The following CRISPLD2 variants were observed in gnomAD, a reference collection of about 807,000 sequenced individuals.
CRISPLD2 encodes cysteine rich secretory protein LCCL domain containing 2, also known as cysteine-rich secretory protein LCCL domain-containing 2.
In CRISPLD2, 47 loss-of-function variants were observed where a neutral mutation model predicts 71.1. The ratio of observed to expected loss-of-function variants is 0.66; its 90% confidence interval spans 0.52 to 0.84. The LOEUF (loss-of-function observed/expected upper bound fraction) is 0.84, where lower values mean the gene tolerates loss of function less well. Ranked by LOEUF, CRISPLD2 falls within the 40% of genes least tolerant of loss-of-function variation. CRISPLD2 has a pLI of 0.00. For missense variants in CRISPLD2, 830 were observed against 651.1 expected, an observed-to-expected ratio of 1.27 and a Z score of -2.99; for synonymous variants, 317 against 250.1, an observed-to-expected ratio of 1.27 and a Z score of -2.52.
chr16:84,828,803 C>G (rs956498374), intron 1 of CRISPLD2, among the ~76,000 whole-genome samples: 1 of 151,476 alleles, frequency 6.6e-6, no homozygotes, highest in Non-Finnish European at 1.5e-5. Context: ...TTCTTTTTGT[C>G]CAGAATTTTG....
At chr16:84,823,796 G>C (rs1916284980) in intron 1 of CRISPLD2, among the ~76,000 whole-genome samples, 1 of 152,208 alleles carries the variant, frequency 6.6e-6, no homozygotes, top group Admixed American at 6.5e-5. Flanking sequence ...GATGAGGATT[G>C]TGCAATTTCC....
intron 10 of CRISPLD2, chr16:84,873,384 G>C: frequency 4.1e-6 from 1 of 246,404 alleles, no homozygotes; most frequent in South Asian, 6.6e-5. Flanking sequence ...GGAGGCTACG[G>C]CAGAAGAACC....
chr16:84,833,188 C>T (rs1380214388), intron 1 of CRISPLD2, among the ~76,000 whole-genome samples: 6 of 152,178 alleles, frequency 3.9e-5, no homozygotes, highest in Non-Finnish European at 5.9e-5. Flanking sequence ...CTCTGGGCAG[C>T]GCGGGAGAAG....
At chr16:84,836,417 C>A (rs984773268) in intron 1 of CRISPLD2, 2 of 152,204 alleles carry the variant, frequency 1.3e-5, no homozygotes, top group African/African-American at 2.4e-5. Flanking sequence ...CATTCTTGGT[C>A]TGCTTCCCAG....
chr16:84,893,489 C>T (rs1393736726), intron 14 of CRISPLD2, among the ~76,000 whole-genome samples: 2 of 152,218 alleles, frequency 1.3e-5, no homozygotes, highest in African/African-American at 2.4e-5. Flanking sequence ...AGGCATCATA[C>T]ACTTAGGGAG....
Position 84,909,161 on chromosome 16 carries a change from T to C in CRISPLD2, c.*2519T>C, listed in dbSNP as rs2071830877. 1 of 152,660 alleles carries C rather than the reference T, an allele frequency of 6.6e-6. No individual in the cohort carries two copies. The highest frequency in any genetic ancestry group is 2.4e-5 in the African/African-American group (1 of 41,458). 9.5% of individuals were successfully genotyped at this position (152,660 alleles called of 1,614,324 possible). On this transcript the variant is annotated 3_prime_UTR_variant, in exon 15 of 15. Coordinates refer to ENST00000262424, the MANE Select transcript of CRISPLD2 (RefSeq NM_031476.4). ...CACTTACCCTGTGTTTAAAAAGATC[T>C]TGTACCAAGCCAACGGCGTTCCTGG...
At chr16:84,850,987 A>G (rs1394842473) in intron 5 of CRISPLD2, among the ~76,000 whole-genome samples, 6 of 152,140 alleles carry the variant, frequency 3.9e-5, no homozygotes, top group African/African-American at 1.4e-4. Context: ...GGTCTTTTGC[A>G]CACTGGCATA....
chr16:84,828,762 G>A (rs2131756), intron 1 of CRISPLD2, among the ~76,000 whole-genome samples: 105,964 of 151,916 alleles, frequency 0.7, 37,416 homozygotes, highest in Non-Finnish European at 0.74. Context: ...TTCACATAGT[G>A]CATTAAATAA....
intron 4 of CRISPLD2, among the ~76,000 whole-genome samples, chr16:84,850,178 C>T (rs1046741250): frequency 8.6e-5 from 13 of 151,746 alleles, no homozygotes; most frequent in African/African-American, 2.9e-4. Flanking sequence ...GCAACCTCTG[C>T]CTCCTGGGTT....
chr16:84,853,828 A>G (rs1917157124), intron 5 of CRISPLD2, among the ~76,000 whole-genome samples: 1 of 152,126 alleles, frequency 6.6e-6, no homozygotes, highest in Non-Finnish European at 1.5e-5. Context: ...CCGTGATCCC[A>G]TTTTACAGAA....
intron 1 of CRISPLD2, among the ~76,000 whole-genome samples, chr16:84,835,393 CT>C (rs1212353089): frequency 5.9e-5 from 9 of 152,146 alleles, no homozygotes; most frequent in Non-Finnish European, 1.3e-4. Flanking sequence ...CCTATGGTTA[CT>C]TTTCTGCTCA....
intron 13 of CRISPLD2, among the ~76,000 whole-genome samples, chr16:84,887,610 C>A (rs1597480311): frequency 6.6e-6 from 1 of 152,376 alleles, no homozygotes; most frequent in Admixed American, 6.5e-5. Flanking sequence ...GGCGCGGCGG[C>A]TCACGCCTGT....
chr16:84,880,286 T>G (rs961224069), intron 12 of CRISPLD2, among the ~76,000 whole-genome samples: 3 of 151,936 alleles, frequency 2.0e-5, no homozygotes, highest in Admixed American at 6.6e-5. Flanking sequence ...GTGTGTGTGT[T>G]TTTAAAAATT....
chr16:84,844,074 T>C (rs545488088), intron 2 of CRISPLD2, among the ~76,000 whole-genome samples: 1 of 152,326 alleles, frequency 6.6e-6, no homozygotes, highest in African/African-American at 2.4e-5. Context: ...AGCTGGAGCA[T>C]CTGTCGGGAG....
chr16:84,859,995 A>C (rs1917338516), intron 6 of CRISPLD2, among the ~76,000 whole-genome samples: 1 of 152,246 alleles, frequency 6.6e-6, no homozygotes, highest in Non-Finnish European at 1.5e-5. Flanking sequence ...ACAAAGCATT[A>C]GTCAAGGGTA....
chr16:84,886,733 G>A (rs1314337046), intron 13 of CRISPLD2, among the ~76,000 whole-genome samples: 5 of 152,192 alleles, frequency 3.3e-5, no homozygotes, highest in Non-Finnish European at 7.3e-5. Context: ...TGAGGTGGGA[G>A]GAGCCCGGAA....
chr16:84,885,986 C>G (rs1452742621), intron 13 of CRISPLD2, among the ~76,000 whole-genome samples: 1 of 151,818 alleles, frequency 6.6e-6, no homozygotes, highest in Admixed American at 6.6e-5. Flanking sequence ...ATCTGACTAA[C>G]GTTTTTAAAT....
chr16:84,850,508 T>C (rs1917056290), intron 4 of CRISPLD2, 60 bp from the exon 5 acceptor site: 1 of 1,421,938 alleles, frequency 7.0e-7, no homozygotes. Flanking sequence ...CCAGGCCAAA[T>C]GATATCACCC....
chr16:84,838,330 A>T, intron 1 of CRISPLD2, 92 bp from the exon 2 acceptor site: 1 of 767,856 alleles, frequency 1.3e-6, no homozygotes, highest in Non-Finnish European at 2.1e-6. Flanking sequence ...TAAAATGGAG[A>T]GAGTCGTGTG....
Sources: allele counts gnomAD v4.1 joint callset (sites outside exome capture counted in the v4.1 genomes callset), GRCh38; gene constraint gnomAD v4.1.1; transcripts MANE v1.5; gene names NCBI Gene and HGNC (gene_info 2026-07-23, HGNC 2026-07-21).